SMIM35: variants seen among roughly 807,000 people sequenced by gnomAD.
SMIM35 encodes small integral membrane protein 35.
At chr11:118,031,131 C>A (rs2058316315) in intron 1 of SMIM35, among the ~76,000 whole-genome samples, 1 of 152,112 alleles carries the variant, frequency 6.6e-6, no homozygotes, top group Non-Finnish European at 1.5e-5. Context: ...AAGAGAGACA[C>A]CTAGAATAAA....
chr11:118,023,141 G>C (rs1194902572), intron 1 of SMIM35, among the ~76,000 whole-genome samples: 1 of 151,904 alleles, frequency 6.6e-6, no homozygotes, highest in East Asian at 2.0e-4. Context: ...ACTCAGAGAG[G>C]CAGAGCAAAA....
chr11:118,074,586 A>C (rs1944624257), intron 1 of SMIM35, among the ~76,000 whole-genome samples: 1 of 152,026 alleles, frequency 6.6e-6, no homozygotes, highest in South Asian at 2.1e-4. Flanking sequence ...GTATCTACAA[A>C]AAATACAAAA....
rs577280403 is a variant in SMIM35 at position 118,072,194 on chromosome 11, CA to C, written c.7+14556del. Among the ~76,000 whole-genome samples the C allele has an allele frequency of 1.3e-3, 200 of 152,276 alleles. 1 individual carries two copies. The highest frequency in any genetic ancestry group is 4.6e-3 in the African/African-American group (191 of 41,562). Reference sequence around the variant, plus strand: ...CTGATACTGAGATCAAATGCACAATCAGAAACAACTGGCAGCCAGGCACCGT... The same window carrying C: ...CTGATACTGAGATCAAATGCACAATCGAAACAACTGGCAGCCAGGCACCGT... On this transcript the variant is annotated intron_variant, in intron 1 of 4. Transcript: ENST00000689828.
intron 1 of SMIM35, among the ~76,000 whole-genome samples, chr11:118,040,209 C>T (rs1943977290): frequency 6.6e-6 from 1 of 152,118 alleles, no homozygotes; most frequent in African/African-American, 2.4e-5. Flanking sequence ...GGGCAAGACT[C>T]TGTCTTAGAA....
intron 1 of SMIM35, among the ~76,000 whole-genome samples, chr11:118,018,807 C>T (rs976163437): frequency 1.3e-5 from 2 of 152,086 alleles, no homozygotes; most frequent in Non-Finnish European, 2.9e-5. Context: ...TCTATTTTAC[C>T]TTTTGATCTT....
At position 118,013,867 on chromosome 11, in the gene SMIM35, G is replaced by C; in HGVS notation, c.172C>G (p.Leu58Val). The C allele has an allele frequency of 2.5e-6, 1 of 399,074 alleles. No homozygotes were observed. The highest frequency in any genetic ancestry group is 2.1e-5 in the African/African-American group (1 of 48,726). 24.7% of individuals were successfully genotyped at this position (399,074 alleles called of 1,614,324 possible). The change falls in exon 4 of 5, where the codon CTG becomes GTG. Residue 58 changes from leucine (L) to valine (V), a missense_variant. Coordinates refer to ENST00000689828, the MANE Select transcript of SMIM35 (RefSeq NM_001394165.1). ...NLYQIRNLKD[L>V]EMGPPFTISG... ...ATGGTGAAGGGTGGACCCATCTCCA[G>C]ATCCTTCAGGTTCCTGAAAAAGATG...
At chr11:118,008,878 G>A (rs1023350367) in intron 4 of SMIM35, among the ~76,000 whole-genome samples, 8 of 152,232 alleles carry the variant, frequency 5.3e-5, no homozygotes, top group African/African-American at 1.9e-4. Flanking sequence ...CAGGGAGACT[G>A]GATGCCCCCA....
chr11:118,052,137 C>T (rs1034078956), intron 1 of SMIM35, among the ~76,000 whole-genome samples: 4 of 152,122 alleles, frequency 2.6e-5, no homozygotes, highest in African/African-American at 4.8e-5. Context: ...TGGAACAATG[C>T]GGGTAGCGGG....
At chr11:118,022,412 G>A in intron 1 of SMIM35, among the ~76,000 whole-genome samples, 1 of 152,268 alleles carries the variant, frequency 6.6e-6, no homozygotes, top group East Asian at 1.9e-4. Context: ...TATACAATAT[G>A]TTCCCTGACC....
intron 1 of SMIM35, among the ~76,000 whole-genome samples, chr11:118,016,249 G>A (rs1244615312): frequency 6.6e-6 from 1 of 152,058 alleles, no homozygotes; most frequent in African/African-American, 2.4e-5. Context: ...GTGGCAGCAG[G>A]GTGTTAACCC....
chr11:118,077,927 C>T (rs1000603297), intron 1 of SMIM35, among the ~76,000 whole-genome samples: 3 of 140,054 alleles, frequency 2.1e-5, no homozygotes, highest in Non-Finnish European at 4.5e-5. Flanking sequence ...GCAGGAGAAT[C>T]GCTTGAACTT....
chr11:118,077,790 T>A (rs1351864712), intron 1 of SMIM35, among the ~76,000 whole-genome samples: 8 of 151,848 alleles, frequency 5.3e-5, no homozygotes, highest in Non-Finnish European at 2.9e-5. Context: ...GGCAGACAGA[T>A]CTCTCGAGGT....
intron 4 of SMIM35, among the ~76,000 whole-genome samples, chr11:118,007,925 AG>A (rs990991356): frequency 6.7e-6 from 1 of 149,432 alleles, no homozygotes; most frequent in Non-Finnish European, 1.5e-5. Flanking sequence ...GCTGGAGTCC[AG>A]TGGCACAATC....
intron 2 of SMIM35, among the ~76,000 whole-genome samples, 171 bp from the exon 3 acceptor site, chr11:118,014,912 G>A (rs1470921403): frequency 2.0e-5 from 3 of 152,098 alleles, no homozygotes; most frequent in Non-Finnish European, 2.9e-5. Context: ...CCCCATTAAC[G>A]GTCCTGATTA....
At position 118,058,499 on chromosome 11, in the gene SMIM35, G is replaced by A. The variant is rs889411101; in HGVS notation, c.7+28252C>T. ...CAGCCTGGGCACAAGAAGAAATGAC[G>A]GGGCGAGGAATGGGGTGCGAAACCA... is the stretch of plus-strand genomic sequence containing the variant. On this transcript the variant is annotated intron_variant, in intron 1 of 4. Coordinates refer to ENST00000689828, the MANE Select transcript of SMIM35 (RefSeq NM_001394165.1). Among the ~76,000 whole-genome samples, 7 of 152,308 alleles carry A rather than the reference G, an allele frequency of 4.6e-5. No homozygotes were observed. In the South Asian group the frequency reaches 6.2e-4, roughly 14 times the overall value.
At chr11:118,055,837 T>C (rs567026069) in intron 1 of SMIM35, among the ~76,000 whole-genome samples, 50 of 152,206 alleles carry the variant, frequency 3.3e-4, no homozygotes, top group African/African-American at 1.2e-3. Flanking sequence ...GGAGCTGAGA[T>C]AGCACACAGT....
intron 1 of SMIM35, among the ~76,000 whole-genome samples, chr11:118,022,274 C>G (rs991165348): frequency 1.3e-5 from 2 of 152,166 alleles, no homozygotes; most frequent in African/African-American, 4.8e-5. Flanking sequence ...TGGTCTTGAT[C>G]TCTTGACCTC....
At chr11:118,048,330 C>T (rs912777084) in intron 1 of SMIM35, among the ~76,000 whole-genome samples, 1 of 152,002 alleles carries the variant, frequency 6.6e-6, no homozygotes, top group Admixed American at 6.6e-5. Context: ...GCCAATATGG[C>T]GAAACCCAGT....
At chr11:118,085,582 A>G (rs1376087823) in intron 1 of SMIM35, among the ~76,000 whole-genome samples, 1 of 152,178 alleles carries the variant, frequency 6.6e-6, no homozygotes, top group African/African-American at 2.4e-5. Context: ...TCTGTCTTTG[A>G]ACCTTTTTAA....
Sources: allele counts gnomAD v4.1 joint callset (sites outside exome capture counted in the v4.1 genomes callset), GRCh38; gene constraint gnomAD v4.1.1; transcripts MANE v1.5; gene names NCBI Gene and HGNC (gene_info 2026-07-23, HGNC 2026-07-21).